Variants in PTPRT observed in about 807,000 individuals in gnomAD.
PTPRT encodes receptor-type tyrosine-protein phosphatase T.
PTPRT carries 56 observed loss-of-function variants against 176.8 expected under a neutral mutation model. The ratio of observed to expected loss-of-function variants is 0.32; its 90% CI spans 0.26 to 0.40. PTPRT has a LOEUF of 0.40. PTPRT is among the 10% of genes least tolerant of loss of function. PTPRT has a pLI of 1.00. For synonymous variants in PTPRT, 783 were observed against 739.0 expected (o/e 1.06, Z -0.96); for missense variants, 1,540 against 1,908.2 (o/e 0.81, Z 3.60).
chr20:42,340,785 G>A (rs1272968503), intron 11 of PTPRT, among the ~76,000 whole-genome samples: 1 of 151,878 alleles, frequency 6.6e-6, no homozygotes, highest in Non-Finnish European at 1.5e-5. Context: ...CTGAGACAAA[G>A]CAGCGATGCA....
chr20:42,176,781 T>C (rs889620454), intron 16 of PTPRT, among the ~76,000 whole-genome samples: 4 of 152,236 alleles, frequency 2.6e-5, no homozygotes, highest in African/African-American at 9.6e-5. Context: ...GGTGACTTTG[T>C]CTTTTGTTGA....
intron 1 of PTPRT, among the ~76,000 whole-genome samples, chr20:43,138,256 A>C (rs571506567): frequency 6.6e-6 from 1 of 152,340 alleles, no homozygotes; most frequent in Admixed American, 6.5e-5. Context: ...TCTTTATTCC[A>C]AAAGCTCAGA....
At chr20:42,779,271 G>A (rs1386837110) in intron 4 of PTPRT, among the ~76,000 whole-genome samples, 3 of 152,194 alleles carry the variant, frequency 2.0e-5, no homozygotes, top group African/African-American at 7.2e-5. Context: ...AAGGAGAGGA[G>A]GACCCATGAT....
intron 1 of PTPRT, among the ~76,000 whole-genome samples, chr20:43,142,159 G>A (rs1274469891): frequency 1.3e-5 from 2 of 152,220 alleles, no homozygotes; most frequent in African/African-American, 4.8e-5. Flanking sequence ...TAGGCACCTG[G>A]AAGTGCCTGG....
At chr20:42,542,232 A>G (rs1200657481) in intron 7 of PTPRT, among the ~76,000 whole-genome samples, 1 of 152,186 alleles carries the variant, frequency 6.6e-6, no homozygotes, top group Non-Finnish European at 1.5e-5. Flanking sequence ...TAGCAGCATA[A>G]GAACAGACTA....
chr20:42,525,789 G>A (rs887375973), intron 7 of PTPRT, among the ~76,000 whole-genome samples: 2 of 152,144 alleles, frequency 1.3e-5, no homozygotes, highest in African/African-American at 2.4e-5. Flanking sequence ...CAGAGAACAC[G>A]GAATCTATCT....
In PTPRT at chr20:42,617,807, G is replaced by A. The variant is rs553827450; in HGVS notation, c.1153+60059C>T. Among the ~76,000 whole-genome samples, 7 of 138,570 alleles carry A rather than the reference G, an allele frequency of 5.1e-5. 1 individual carries two copies. The highest frequency in any genetic ancestry group is 2.3e-4 in the South Asian group (1 of 4,430). The allele number at this position is 138,570 out of a possible 152,430, so 90.9% of individuals were successfully genotyped here. A position where few individuals can be genotyped will look rare whatever the true frequency, so the allele number is the denominator to read the frequency against. On this transcript the variant is annotated intron_variant, in intron 7 of 30. Transcript: ENST00000373187. ...GATATCCCCTTTATCATTTTTTATT[G>A]CATCTATTTGATTCTTCTCTCTTTT...
At chr20:42,587,219 G>A (rs906086881) in intron 7 of PTPRT, among the ~76,000 whole-genome samples, 1 of 152,132 alleles carries the variant, frequency 6.6e-6, no homozygotes, top group African/African-American at 2.4e-5. Context: ...AGCCCATACT[G>A]CAACTGAGGT....
intron 11 of PTPRT, among the ~76,000 whole-genome samples, chr20:42,329,504 T>TACAC (rs1254341273): frequency 3.0e-4 from 36 of 121,208 alleles, no homozygotes; most frequent in East Asian, 8.9e-4. Flanking sequence ...CACACACACA[T>TACAC]ACACACACAC....
At chr20:42,610,593 C>T (rs1313806101) in intron 7 of PTPRT, among the ~76,000 whole-genome samples, 2 of 152,034 alleles carry the variant, frequency 1.3e-5, no homozygotes, top group Non-Finnish European at 2.9e-5. Flanking sequence ...ATCTGTGAGA[C>T]AGGAAGGGGT....
intron 16 of PTPRT, among the ~76,000 whole-genome samples, chr20:42,173,612 T>C (rs1022689540): frequency 6.6e-6 from 1 of 152,082 alleles, no homozygotes; most frequent in African/African-American, 2.4e-5. Context: ...TGAAAGGTCG[T>C]TGAGTTTGCC....
chr20:42,180,651 A>G (rs1032436631), intron 16 of PTPRT, among the ~76,000 whole-genome samples: 2 of 152,212 alleles, frequency 1.3e-5, no homozygotes, highest in Non-Finnish European at 2.9e-5. Context: ...TAGGTGCTCA[A>G]CAAACCTTGT....
chr20:42,670,944 G>A (rs1275723969), intron 7 of PTPRT, among the ~76,000 whole-genome samples: 1 of 152,168 alleles, frequency 6.6e-6, no homozygotes, highest in East Asian at 1.9e-4. Flanking sequence ...ACTTACAAGT[G>A]GGTGTTTCAA....
chr20:42,940,454 G>T (rs1980466954), intron 1 of PTPRT, among the ~76,000 whole-genome samples: 2 of 152,192 alleles, frequency 1.3e-5, no homozygotes, highest in African/African-American at 4.8e-5. Context: ...AGAATGACCA[G>T]AAAAGCAACA....
chr20:42,935,147 A>ATT lies in PTPRT; in HGVS notation c.89-49217_89-49216dup, dbSNP rs57178522. On this transcript the variant is annotated intron_variant, in intron 1 of 30. Coordinates refer to ENST00000373187, the MANE Select transcript of PTPRT (RefSeq NM_007050.6). The stretch of plus-strand genomic sequence containing the variant: ...AGGGCGTCTCATTGCTTTTGCCATA[A>ATT]TTTTTTTTTTTTTTTTTTTTTTTTT... Among the ~76,000 whole-genome samples the ATT allele has an allele frequency of 1.9e-3, 82 of 42,168 alleles. 2 individuals are homozygous for ATT. Among genetic ancestry groups the ATT allele is most frequent in the Admixed American group, 6.6e-3 (16 of 2,418 alleles). 27.7% of individuals were successfully genotyped at this position (42,168 alleles called of 152,430 possible).
At chr20:42,259,165 C>T (rs6030096) in intron 13 of PTPRT, among the ~76,000 whole-genome samples, 97,139 of 152,118 alleles carry the variant, frequency 0.64, 32,288 homozygotes, top group African/African-American at 0.82. Context: ...TGAATCTATG[C>T]TTCCAGATAG....
At chr20:42,747,925 T>C (rs374391642) in intron 6 of PTPRT, among the ~76,000 whole-genome samples, 2 of 152,328 alleles carry the variant, frequency 1.3e-5, no homozygotes, top group East Asian at 1.9e-4. Flanking sequence ...GCATTGAGAA[T>C]AGACATCAAT....
intron 9 of PTPRT, among the ~76,000 whole-genome samples, chr20:42,412,168 A>G (rs1189967991): frequency 6.6e-6 from 1 of 152,240 alleles, no homozygotes; most frequent in Non-Finnish European, 1.5e-5. Context: ...CACAAATGTG[A>G]TAAATGATTG....
At chr20:42,344,837 C>T (rs763666183) in intron 11 of PTPRT, among the ~76,000 whole-genome samples, 6 of 152,158 alleles carry the variant, frequency 3.9e-5, no homozygotes, top group Admixed American at 2.0e-4. Context: ...TCTGTCCCCA[C>T]GCACTGAGCT....
Sources: allele counts gnomAD v4.1 joint callset (sites outside exome capture counted in the v4.1 genomes callset), GRCh38; gene constraint gnomAD v4.1.1; transcripts MANE v1.5; gene names NCBI Gene and HGNC (gene_info 2026-07-23, HGNC 2026-07-21).